Variants in NBEA observed in about 807,000 individuals in gnomAD.
NBEA encodes lysosomal-trafficking regulator 2.
Under a neutral mutation model 343.4 loss-of-function variants are expected in NBEA, and 44 were observed. The ratio of observed to expected loss-of-function variants is 0.13; its 90% confidence interval spans 0.10 to 0.16. NBEA has a LOEUF of 0.16. NBEA is among the 10% of genes least tolerant of loss of function. The pLI is 1.00. For missense variants in NBEA, 2,555 were observed against 3,631.3 expected (o/e 0.70, Z 7.62); for synonymous variants, 1,175 against 1,238.7 (o/e 0.95, Z 1.08).
rs1211763927 is a variant in NBEA, at chr13:35,474,822, C to A, written c.6585+2286C>A. 6 of 493,284 alleles carry A rather than the reference C, an allele frequency of 1.2e-5. No individual in the cohort carries two copies. In the Admixed American group the frequency reaches 2.3e-4, roughly 19 times the overall value. The allele number at this position is 493,284 out of a possible 1,614,324, so 30.6% of individuals were successfully genotyped here. A position where few individuals can be genotyped will look rare whatever the true frequency, so the allele number is the denominator to read the frequency against. On this transcript the variant is annotated intron_variant, in intron 41 of 58. Transcript: ENST00000379939. ...GTACTTTTCAAGGGAGATAGGAAAT[C>A]GTGTGGAAAGAAGTCTTCTAATACT...
intron 33 of NBEA, among the ~76,000 whole-genome samples, chr13:35,212,792 T>C (rs9573389): frequency 0.2 from 29,918 of 152,042 alleles, 3,638 homozygotes; most frequent in Middle Eastern, 0.42. Flanking sequence ...TGAGGTTGAA[T>C]ACTTTTTAAA....
intron 41 of NBEA, among the ~76,000 whole-genome samples, chr13:35,495,810 CACAA>C: frequency 6.6e-6 from 1 of 151,930 alleles, no homozygotes; most frequent in Non-Finnish European, 1.5e-5. Flanking sequence ...GATTTTTTGA[CACAA>C]TGGAATTAAA....
intron 35 of NBEA, among the ~76,000 whole-genome samples, chr13:35,293,787 T>A (rs1382780578): frequency 1.3e-5 from 2 of 152,150 alleles, no homozygotes; most frequent in South Asian, 4.1e-4. Flanking sequence ...CCATAAGATA[T>A]ACTCCAGGAA....
chr13:35,254,888 C>A (rs1046839794), intron 34 of NBEA, among the ~76,000 whole-genome samples: 1 of 151,732 alleles, frequency 6.6e-6, no homozygotes, highest in Non-Finnish European at 1.5e-5. Flanking sequence ...TTTATTGTTA[C>A]ATTAAAATAA....
At chr13:35,243,856 A>C (rs1355684379) in intron 34 of NBEA, among the ~76,000 whole-genome samples, 1 of 151,922 alleles carries the variant, frequency 6.6e-6, no homozygotes, top group African/African-American at 2.4e-5. Flanking sequence ...GTAAAAGGTG[A>C]ATAAGGAAAT....
chr13:35,281,693 C>G (rs2035063264), intron 34 of NBEA, among the ~76,000 whole-genome samples: 1 of 151,784 alleles, frequency 6.6e-6, no homozygotes, highest in Admixed American at 6.6e-5. Flanking sequence ...AGAAAAAACA[C>G]CAGTGCTTTT....
rs754064223 is a variant in NBEA, at chr13:35,196,117, G to A, written c.5181G>A (p.Lys1727=). ...SLTENPSETL[K]PATSISSISQ... is the part of the protein sequence containing the mutation. ...CTGAAAATCCTAGTGAAACGTTGAA[G>A]CCTGCAACATCCATATCTAGCATTA... Residue 1727 remains lysine (K), a synonymous_variant, in exon 31 of 59, where the codon AAG becomes AAA. Coordinates refer to ENST00000379939, the MANE Select transcript of NBEA (RefSeq NM_001385012.1). 3 of 1,613,534 alleles carry A rather than the reference G, an allele frequency of 1.9e-6. No individual in the cohort carries two copies. Among genetic ancestry groups the A allele is most frequent in the African/African-American group, 1.3e-5 (1 of 74,910 alleles).
At chr13:34,973,730 G>A (rs1045594857) in intron 1 of NBEA, among the ~76,000 whole-genome samples, 5 of 152,172 alleles carry the variant, frequency 3.3e-5, no homozygotes, top group African/African-American at 1.2e-4. Flanking sequence ...GTTGCCCCTG[G>A]TTAGCTGGAA....
intron 11 of NBEA, among the ~76,000 whole-genome samples, chr13:35,104,597 A>G (rs962375020): frequency 6.6e-6 from 1 of 151,918 alleles, no homozygotes; most frequent in African/African-American, 2.4e-5. Flanking sequence ...TGGCAAGGTT[A>G]GTATTAATAG....
chr13:35,045,396 G>T lies in NBEA; in HGVS notation c.718G>T (p.Ala240Ser). The T allele has an allele frequency of 6.2e-7, 1 of 1,605,274 alleles. No homozygotes were observed. The highest frequency in any genetic ancestry group is 1.1e-5 in the South Asian group (1 of 89,890). Residue 240 changes from alanine to serine, a missense_variant, in exon 4 of 59, where the codon GCT becomes TCT. Around this residue, in one of 21 missense-constraint regions of NBEA, gnomAD observed 185 missense variants for 290.6 expected, o/e 0.64. Coordinates refer to ENST00000379939, the MANE Select transcript of NBEA (RefSeq NM_001385012.1). ...TTTTTTCAATTTCCCTGGTTGTAGCGCTGCGGTAAGTTTTAAATACATGTG... is the reference window on the plus strand; with the variant it reads ...TTTTTTCAATTTCCCTGGTTGTAGCTCTGCGGTAAGTTTTAAATACATGTG... ...DTFFNFPGCSAAAIALPPIAK... is the reference protein window; with the variant it reads ...DTFFNFPGCSSAAIALPPIAK...
At chr13:35,527,556 G>A (rs1300207800) in intron 41 of NBEA, among the ~76,000 whole-genome samples, 1 of 152,234 alleles carries the variant, frequency 6.6e-6, no homozygotes, top group African/African-American at 2.4e-5. Flanking sequence ...GGGGCCCCAA[G>A]GCGGCGGAGG....
At chr13:35,647,755 T>C (rs2084305360) in intron 51 of NBEA, among the ~76,000 whole-genome samples, 1 of 152,102 alleles carries the variant, frequency 6.6e-6, no homozygotes, top group South Asian at 2.1e-4. Flanking sequence ...TTAGTAAAGA[T>C]GGGGTTTCAC....
chr13:35,393,458 CT>C (rs1181777391), intron 38 of NBEA, among the ~76,000 whole-genome samples: 1 of 151,932 alleles, frequency 6.6e-6, no homozygotes, highest in Non-Finnish European at 1.5e-5. Flanking sequence ...CTTTGGTATG[CT>C]TTTTTCTTTA....
chr13:35,126,873 G>A (rs540822996), intron 17 of NBEA, among the ~76,000 whole-genome samples: 248 of 150,058 alleles, frequency 1.7e-3, no homozygotes, highest in African/African-American at 5.3e-3. Context: ...AGCTGAGACC[G>A]TGCCATTGCA....
At chr13:35,403,093 G>A (rs1033286160) in intron 38 of NBEA, among the ~76,000 whole-genome samples, 1 of 151,856 alleles carries the variant, frequency 6.6e-6, no homozygotes, top group African/African-American at 2.4e-5. Context: ...AGACTATTCT[G>A]TGTCATAACT....
intron 1 of NBEA, among the ~76,000 whole-genome samples, chr13:35,009,607 A>G (rs1219698639): frequency 6.6e-6 from 1 of 152,118 alleles, no homozygotes; most frequent in Non-Finnish European, 1.5e-5. Flanking sequence ...AGTGCTGTAC[A>G]AGTTTGGATT....
At chr13:35,205,386 T>C (rs867843397) in intron 31 of NBEA, among the ~76,000 whole-genome samples, 18 of 152,144 alleles carry the variant, frequency 1.2e-4, no homozygotes, top group African/African-American at 4.3e-4. Flanking sequence ...GATTTTTTTC[T>C]TCTTGTTGGT....
chr13:35,358,568 A>C lies in NBEA; in HGVS notation c.6179+6245A>C, dbSNP rs2040626296. On this transcript the variant is annotated intron_variant, in intron 38 of 58. Transcript: ENST00000379939. Reference sequence around the variant, plus strand: ...CCCTGTCTCTACTAAAAATATAAAAATTAGCTGGGCATGGTGGCGTGTGCC... The same window carrying C: ...CCCTGTCTCTACTAAAAATATAAAACTTAGCTGGGCATGGTGGCGTGTGCC... Among the ~76,000 whole-genome samples, 4 of 151,800 alleles carry C rather than the reference A, an allele frequency of 2.6e-5. No individual in the cohort carries two copies. The South Asian group carries it at 8.3e-4, about 32-fold the overall frequency.
intron 46 of NBEA, among the ~76,000 whole-genome samples, chr13:35,588,956 AAGCCTCTTTAAACCATAATGTG>A (rs2081405275): frequency 6.6e-6 from 1 of 152,132 alleles, no homozygotes; most frequent in Admixed American, 6.6e-5. Context: ...GCTTACCCTA[AAGCCTCTTTAAACCATAATGTG>A]TCTTTAAAAG....
Sources: allele counts gnomAD v4.1 joint callset (sites outside exome capture counted in the v4.1 genomes callset), GRCh38; gene constraint gnomAD v4.1.1; regional missense constraint gnomAD v4.1.1; transcripts MANE v1.5; gene names NCBI Gene and HGNC (gene_info 2026-07-23, HGNC 2026-07-21).